The following PPP3CA variants were observed in gnomAD, a reference collection of about 807,000 sequenced individuals.
PPP3CA encodes the protein protein phosphatase 3 catalytic subunit alpha.
A neutral mutation model predicts 66.5 loss-of-function variants in PPP3CA; 14 were observed. That is an observed-to-expected ratio of 0.21 (90% CI 0.14 to 0.33). The LOEUF (loss-of-function observed/expected upper bound fraction) is 0.33. Among genes scored for constraint, PPP3CA ranks in the 10% least tolerant of loss-of-function variants. The pLI, the probability that PPP3CA is intolerant of heterozygous loss-of-function variation, is 1.00. For missense variants in PPP3CA, 317 were observed against 639.5 expected, an observed-to-expected ratio of 0.50 and a Z score of 5.44; for synonymous variants, 232 against 226.2, an observed-to-expected ratio of 1.03 and a Z score of -0.23.
intron 11 of PPP3CA, among the ~76,000 whole-genome samples, chr4:101,033,983 C>G (rs963705100): frequency 6.6e-6 from 1 of 152,186 alleles, no homozygotes; most frequent in African/African-American, 2.4e-5. Flanking sequence ...CTCTTGCCCC[C>G]TCCTCCCACA....
In PPP3CA at chr4:101,346,730, T is replaced by C. The variant is rs1401418871; in HGVS notation, c.58+9A>G. 6.2e-7 allele frequency: 1 copy of C among 1,609,750 alleles called. No homozygotes were observed. The highest frequency in any genetic ancestry group is 8.5e-7 in the Non-Finnish European group (1 of 1,178,468). ...CGGTGCACCCAGGCCACCGCGGCGC[T>C]CCGCTTACCTTTCACCACCCTGTCG... On this transcript the variant is annotated intron_variant, in intron 1 of 13. Coordinates refer to ENST00000394854, the MANE Select transcript of PPP3CA (RefSeq NM_000944.5).
chr4:101,053,118 G>A (rs1421178117), intron 10 of PPP3CA, among the ~76,000 whole-genome samples: 8 of 151,978 alleles, frequency 5.3e-5, no homozygotes, highest in South Asian at 2.1e-4. Flanking sequence ...TGCTTTTAAT[G>A]AATACACAGA....
At chr4:101,085,910 T>C (rs368859697) in intron 6 of PPP3CA, among the ~76,000 whole-genome samples, 1 of 151,826 alleles carries the variant, frequency 6.6e-6, no homozygotes, top group East Asian at 1.9e-4. Context: ...GAAAAGCATA[T>C]TGCTAACACC....
At chr4:101,251,800 A>C (rs1726686192) in intron 1 of PPP3CA, among the ~76,000 whole-genome samples, 1 of 152,150 alleles carries the variant, frequency 6.6e-6, no homozygotes, top group African/African-American at 2.4e-5. Context: ...GCTGGAAGAA[A>C]CTTTCATCAT....
intron 1 of PPP3CA, among the ~76,000 whole-genome samples, chr4:101,328,145 G>A (rs1461848457): frequency 6.6e-6 from 1 of 152,176 alleles, no homozygotes; most frequent in Non-Finnish European, 1.5e-5. Context: ...AGGGCAGGGT[G>A]TTAAATCTTC....
At chr4:101,297,984 T>C (rs74469031) in intron 1 of PPP3CA, among the ~76,000 whole-genome samples, 3,246 of 152,124 alleles carry the variant, frequency 0.021, 98 homozygotes, top group African/African-American at 0.06. Context: ...AATCAGGGAA[T>C]CAGATCTTAA....
chr4:101,291,463 C>T (rs1728024876), intron 1 of PPP3CA, among the ~76,000 whole-genome samples: 1 of 148,108 alleles, frequency 6.8e-6, no homozygotes, highest in Non-Finnish European at 1.5e-5. Flanking sequence ...CTGCCCTCCA[C>T]TCCAAGCCTC....
At chr4:101,263,878 C>T (rs1010740561) in intron 1 of PPP3CA, among the ~76,000 whole-genome samples, 2 of 152,148 alleles carry the variant, frequency 1.3e-5, no homozygotes, top group African/African-American at 4.8e-5. Context: ...TCTATATATA[C>T]TATGCAAATT....
chr4:101,100,712 C>T (rs531772192), intron 3 of PPP3CA, among the ~76,000 whole-genome samples: 2 of 151,936 alleles, frequency 1.3e-5, no homozygotes, highest in Non-Finnish European at 2.9e-5. Flanking sequence ...ACCTGTATTC[C>T]CAAAGTGAAG....
At chr4:101,332,418 C>T (rs1402565352) in intron 1 of PPP3CA, among the ~76,000 whole-genome samples, 1 of 152,150 alleles carries the variant, frequency 6.6e-6, no homozygotes, top group Non-Finnish European at 1.5e-5. Context: ...ATGAGGACAA[C>T]CTTTCGAGAA....
chr4:101,028,889 C>G (rs891004684), intron 13 of PPP3CA, among the ~76,000 whole-genome samples: 2 of 152,116 alleles, frequency 1.3e-5, no homozygotes, highest in African/African-American at 4.8e-5. Flanking sequence ...CCATAACCCC[C>G]ACCCCACATC....
chr4:101,258,509 C>G (rs183214967), intron 1 of PPP3CA, among the ~76,000 whole-genome samples: 1 of 152,214 alleles, frequency 6.6e-6, no homozygotes, highest in East Asian at 1.9e-4. Flanking sequence ...TAAATACTAT[C>G]TAAATTAGAG....
intron 2 of PPP3CA, among the ~76,000 whole-genome samples, chr4:101,186,656 G>T (rs536367230): frequency 6.6e-6 from 1 of 151,500 alleles, no homozygotes; most frequent in Non-Finnish European, 1.5e-5. Context: ...ATTTTCTTTC[G>T]AATTAAAACT....
At chr4:101,286,549 C>T (rs770574528) in intron 1 of PPP3CA, among the ~76,000 whole-genome samples, 3 of 152,076 alleles carry the variant, frequency 2.0e-5, no homozygotes, top group Non-Finnish European at 4.4e-5. Flanking sequence ...AAGTTAATTA[C>T]GTTAATAAAA....
chr4:101,245,279 C>T (rs1033096766), intron 1 of PPP3CA, among the ~76,000 whole-genome samples: 1 of 152,172 alleles, frequency 6.6e-6, no homozygotes, highest in South Asian at 2.1e-4. Flanking sequence ...GCACTAGCTC[C>T]TCTGTATCTG....
intron 1 of PPP3CA, among the ~76,000 whole-genome samples, chr4:101,241,467 G>A (rs1291528137): frequency 6.6e-6 from 1 of 151,866 alleles, no homozygotes; most frequent in Non-Finnish European, 1.5e-5. Flanking sequence ...TTGAATAAAA[G>A]AAAGAATATT....
chr4:101,247,053 C>T (rs1017670973), intron 1 of PPP3CA, among the ~76,000 whole-genome samples: 1 of 152,182 alleles, frequency 6.6e-6, no homozygotes, highest in Non-Finnish European at 1.5e-5. Context: ...ATGCAAATCA[C>T]ACACAAACTC....
chr4:101,048,339 T>G (rs1432815532), intron 10 of PPP3CA, among the ~76,000 whole-genome samples: 1 of 152,000 alleles, frequency 6.6e-6, no homozygotes, highest in African/African-American at 2.4e-5. Context: ...AGTACAAATA[T>G]TCCAGCCTGA....
At chr4:101,263,605 T>A (rs1253280839) in intron 1 of PPP3CA, among the ~76,000 whole-genome samples, 1 of 151,646 alleles carries the variant, frequency 6.6e-6, no homozygotes, top group Non-Finnish European at 1.5e-5. Flanking sequence ...GTTTTTTTTT[T>A]AATGTTTACC....
Sources: gnomAD v4.1 joint callset for allele counts (sites outside exome capture counted in the v4.1 genomes callset) on GRCh38, gnomAD v4.1.1 for gene constraint, MANE v1.5 for transcripts, NCBI Gene and HGNC (gene_info 2026-07-23, HGNC 2026-07-21) for gene names.